DDX31: variants seen among roughly 807,000 people sequenced by gnomAD.
DDX31 encodes the protein ATP-dependent DNA helicase DDX31.
In DDX31, 70 loss-of-function variants were observed where a neutral mutation model predicts 91.3. That is an observed-to-expected ratio of 0.77 (90% CI 0.63 to 0.94). DDX31 has a LOEUF of 0.94. Among genes scored for constraint, DDX31 ranks in the 40% least tolerant of loss-of-function variants. The probability of loss-of-function intolerance (pLI) is 0.00; values close to 1 mark genes in which losing one functional copy is unlikely to be tolerated. For missense variants in DDX31, 902 were observed against 925.0 expected, an observed-to-expected ratio of 0.98 and a Z score of 0.32; for synonymous variants, 362 against 350.6, an observed-to-expected ratio of 1.03 and a Z score of -0.36.
In DDX31 at chr9:132,594,852, G is replaced by C. The variant is rs1299319315; in HGVS notation, c.*14C>G. On this transcript the variant is annotated 3_prime_UTR_variant, in exon 20 of 20. Transcript: ENST00000372159. ...CCGGGGCTTCCAGGTTCCACTCGAA[G>C]ACCCAGAGAGATTTTAAACTTTCTG... 3.7e-6 allele frequency: 6 copies of C among 1,609,674 alleles called. No individual in the cohort carries two copies. The African/African-American group carries it at 6.7e-5, about 18-fold the overall frequency.
chr9:132,665,325 A>G (rs1835237363), intron 1 of DDX31, among the ~76,000 whole-genome samples: 1 of 152,216 alleles, frequency 6.6e-6, no homozygotes, highest in Non-Finnish European at 1.5e-5. Flanking sequence ...AGTTGTCAAG[A>G]AGCTTCGTTC....
chr9:132,617,197 CCTTTA>C (rs1302460323), intron 18 of DDX31, among the ~76,000 whole-genome samples: 1 of 152,126 alleles, frequency 6.6e-6, no homozygotes, highest in Admixed American at 6.5e-5. Flanking sequence ...GAATGCCCTT[CCTTTA>C]GAGAGCCACG....
Position 132,658,701 on chromosome 9 carries a change from C to T in DDX31, c.558G>A (p.Gln186=). The change falls in exon 6 of 20, where the codon CAG becomes CAA. Residue 186 remains glutamine, a synonymous_variant. Coordinates refer to ENST00000372159, the MANE Select transcript of DDX31 (RefSeq NM_022779.9). ...KTLAYCIPVV[Q]SLQAMESKIQ... is the part of the protein sequence containing the mutation. The stretch of plus-strand genomic sequence containing the variant: ...TTTTTGACTCCATTGCTTGAAGGGA[C>T]TGGACCACAGGGATGCAATAGGCAA... The T allele has an allele frequency of 1.9e-6, 3 of 1,613,834 alleles. No homozygotes were observed. Among genetic ancestry groups the T allele is most frequent in the Non-Finnish European group, 2.5e-6 (3 of 1,179,932 alleles).
At chr9:132,640,503 T>C (rs918462151) in intron 14 of DDX31, among the ~76,000 whole-genome samples, 1 of 152,154 alleles carries the variant, frequency 6.6e-6, no homozygotes, top group Non-Finnish European at 1.5e-5. Context: ...TTTCCCCCGC[T>C]TTTTTTCTTT....
intron 19 of DDX31, among the ~76,000 whole-genome samples, chr9:132,600,454 G>T (rs141086606): frequency 6.6e-6 from 1 of 152,288 alleles, no homozygotes; most frequent in African/African-American, 2.4e-5. Context: ...TCAGCTTTGT[G>T]CCAAAGATCA....
At chr9:132,596,312 T>C (rs1041549834) in intron 19 of DDX31, among the ~76,000 whole-genome samples, 19 of 152,214 alleles carry the variant, frequency 1.2e-4, no homozygotes, top group Admixed American at 3.3e-4. Flanking sequence ...AAAGCAATAA[T>C]ACCTGTTTCT....
At chr9:132,633,694 C>T (rs1331450160) in intron 14 of DDX31, among the ~76,000 whole-genome samples, 1 of 151,646 alleles carries the variant, frequency 6.6e-6, no homozygotes, top group Non-Finnish European at 1.5e-5. Flanking sequence ...AAACAGTTAT[C>T]GCCAGGGGAG....
Position 132,612,267 on chromosome 9 carries a change from G to C in DDX31, c.1826-12C>G. The C allele has an allele frequency of 6.2e-7, 1 of 1,614,128 alleles. No homozygotes were observed. The highest frequency in any genetic ancestry group is 1.1e-5 in the South Asian group (1 of 91,068). On this transcript the variant is annotated splice_polypyrimidine_tract_variant and intron_variant, in intron 18 of 19. Transcript: ENST00000372159. ...GAAGGACTGCAGAGCTGAAAGAAAAGAGAGCGGGGAGGGAAGCTGTCAGGA... is the reference window on the plus strand; with the variant it reads ...GAAGGACTGCAGAGCTGAAAGAAAACAGAGCGGGGAGGGAAGCTGTCAGGA...
intron 19 of DDX31, among the ~76,000 whole-genome samples, chr9:132,607,256 T>C (rs1050118902): frequency 7.2e-5 from 11 of 152,188 alleles, no homozygotes; most frequent in African/African-American, 2.7e-4. Context: ...ATCTACTAGG[T>C]ACTAAGGGGT....
Position 132,632,078 on chromosome 9 carries a change from C to T in DDX31, c.1454G>A (p.Arg485Gln), listed in dbSNP as rs547453630. 5.0e-6 allele frequency: 8 copies of T among 1,613,130 alleles called. No homozygotes were observed. In the East Asian group the frequency reaches 6.7e-5, roughly 13 times the overall value. ...GVLLCTDVAA[R>Q]GLDLPQVTWI... ...CGTGACTTGAGGGAGATCTAAGCCC[C>T]GAGCTGCAACATCCTTTAACAAAGA... Residue 485 changes from arginine (R) to glutamine (Q), a missense_variant, in exon 15 of 20, where the codon CGG (arginine) becomes CAG (glutamine). Arg to Gln is a conservative substitution (Grantham distance 43). Transcript: ENST00000372159.
At chr9:132,633,259 C>T (rs754846092) in intron 14 of DDX31, among the ~76,000 whole-genome samples, 3 of 152,192 alleles carry the variant, frequency 2.0e-5, no homozygotes, top group Non-Finnish European at 4.4e-5. Flanking sequence ...CCATGTCCCT[C>T]ATATGCTGCT....
In DDX31 at chr9:132,594,901, C is replaced by T. The variant is rs369912738; in HGVS notation, c.2206G>A (p.Val736Ile). The T allele has an allele frequency of 5.0e-6, 8 of 1,613,906 alleles. No homozygotes were observed. The African/African-American group carries it at 6.7e-5, about 13-fold the overall frequency. ...TLKWRKTQKGVQRDSKTSQKV is the reference protein window; with the variant it reads ...TLKWRKTQKGIQRDSKTSQKV ...TGGGAAGTCTTGCTGTCCCGCTGTACACCTTTTTGGGTTTTTCTCCATTTT... is the reference window on the plus strand; with the variant it reads ...TGGGAAGTCTTGCTGTCCCGCTGTATACCTTTTTGGGTTTTTCTCCATTTT... The change falls in exon 20 of 20, where the codon GTA becomes ATA. Residue 736 changes from valine to isoleucine, a missense_variant. Coordinates refer to ENST00000372159, the MANE Select transcript of DDX31 (RefSeq NM_022779.9).
At chr9:132,628,408 T>A (rs985768885) in intron 16 of DDX31, among the ~76,000 whole-genome samples, 2 of 152,228 alleles carry the variant, frequency 1.3e-5, no homozygotes, top group African/African-American at 4.8e-5. Flanking sequence ...GTCACGTAAA[T>A]GCGGGCACAC....
chr9:132,633,965 T>C (rs1462328556), intron 14 of DDX31, among the ~76,000 whole-genome samples: 2 of 152,114 alleles, frequency 1.3e-5, no homozygotes, highest in Admixed American at 6.5e-5. Context: ...TTGAACACCG[T>C]GAGGACACAA....
At chr9:132,646,591 A>C (rs1171637810) in intron 12 of DDX31, among the ~76,000 whole-genome samples, 2 of 152,220 alleles carry the variant, frequency 1.3e-5, no homozygotes, top group African/African-American at 2.4e-5. Flanking sequence ...GTCCCAGGAA[A>C]GGTATCGAGA....
intron 17 of DDX31, among the ~76,000 whole-genome samples, chr9:132,621,727 T>G (rs1350182017): frequency 3.9e-5 from 6 of 152,230 alleles, no homozygotes; most frequent in African/African-American, 1.4e-4. Flanking sequence ...CATAACAGAT[T>G]TAAAAGTTGT....
chr9:132,596,864 G>A (rs900869462), intron 19 of DDX31, among the ~76,000 whole-genome samples: 1 of 152,166 alleles, frequency 6.6e-6, no homozygotes, highest in African/African-American at 2.4e-5. Context: ...GGTGAGGGGA[G>A]ACAGCAGAGC....
intron 14 of DDX31, among the ~76,000 whole-genome samples, chr9:132,641,220 G>C (rs1833485018): frequency 6.6e-6 from 1 of 152,220 alleles, no homozygotes; most frequent in African/African-American, 2.4e-5. Context: ...ATGTGGCCTA[G>C]ATGGGCATTC....
At chr9:132,625,794 A>G in intron 16 of DDX31, 49 bp from the exon 17 acceptor site, 1 of 1,464,778 alleles carries the variant, frequency 6.8e-7, no homozygotes, top group Non-Finnish European at 9.5e-7. Flanking sequence ...TTTCAAAAAC[A>G]CCCAAGACCT....
Sources: allele counts gnomAD v4.1 joint callset (sites outside exome capture counted in the v4.1 genomes callset), GRCh38; gene constraint gnomAD v4.1.1; transcripts MANE v1.5; gene names NCBI Gene and HGNC (gene_info 2026-07-23, HGNC 2026-07-21).